The following TBC1D1 variants were observed in gnomAD, a reference collection of about 807,000 sequenced individuals.
TBC1D1 encodes TBC1 (tre-2/USP6, BUB2, cdc16) domain family, member 1.
TBC1D1 carries 89 observed loss-of-function variants against 125.6 expected under a neutral mutation model. The ratio of observed to expected loss-of-function variants is 0.71; its 90% CI spans 0.60 to 0.85. TBC1D1 has a LOEUF of 0.85. Among genes scored for constraint, TBC1D1 ranks in the 40% least tolerant of loss-of-function variants. TBC1D1 has a pLI of 0.00. For missense variants in TBC1D1, 1,377 were observed against 1,469.2 expected, an observed-to-expected ratio of 0.94 and a Z score of 1.03; for synonymous variants, 565 against 564.1, an observed-to-expected ratio of 1.00 and a Z score of -0.02.
At chr4:38,047,611 T>C (rs1243416540) in intron 10 of TBC1D1, among the ~76,000 whole-genome samples, 1 of 151,980 alleles carries the variant, frequency 6.6e-6, no homozygotes, top group Non-Finnish European at 1.5e-5. Flanking sequence ...GGAAGTTACC[T>C]AGGAGGAGAG....
chr4:37,970,138 AT>A (rs1415268833), intron 2 of TBC1D1, among the ~76,000 whole-genome samples: 2 of 152,098 alleles, frequency 1.3e-5, no homozygotes, highest in Non-Finnish European at 2.9e-5. Context: ...TATCTTGTTG[AT>A]CCATTCATCA....
intron 19 of TBC1D1, among the ~76,000 whole-genome samples, chr4:38,134,361 G>C (rs1766115482): frequency 6.6e-6 from 1 of 151,972 alleles, no homozygotes; most frequent in South Asian, 2.1e-4. Flanking sequence ...TGCTATTCCT[G>C]CCCAGCCCTA....
intron 2 of TBC1D1, among the ~76,000 whole-genome samples, chr4:37,982,812 C>A (rs1334556450): frequency 1.3e-5 from 2 of 152,236 alleles, no homozygotes; most frequent in Non-Finnish European, 2.9e-5. Flanking sequence ...TCAAAACTCT[C>A]CTCATCCTTC....
chr4:37,935,873 G>A (rs1724289788), intron 2 of TBC1D1, among the ~76,000 whole-genome samples: 1 of 152,130 alleles, frequency 6.6e-6, no homozygotes, highest in African/African-American at 2.4e-5. Context: ...AATGTGCCAT[G>A]TTCTGTCTTA....
chr4:37,984,147 G>T (rs1734956804), intron 2 of TBC1D1, among the ~76,000 whole-genome samples: 1 of 152,006 alleles, frequency 6.6e-6, no homozygotes, highest in Non-Finnish European at 1.5e-5. Flanking sequence ...ATGTACCACA[G>T]TTTATCCATT....
chr4:38,049,523 T>C (rs1324590006), intron 10 of TBC1D1, 95 bp from the exon 11 acceptor site: 3 of 1,411,928 alleles, frequency 2.1e-6, no homozygotes, highest in African/African-American at 1.4e-5. Flanking sequence ...AACACATACT[T>C]AGATACTGCA....
intron 2 of TBC1D1, among the ~76,000 whole-genome samples, chr4:37,924,973 T>C (rs999019234): frequency 1.3e-5 from 2 of 152,220 alleles, no homozygotes; most frequent in African/African-American, 4.8e-5. Flanking sequence ...CAACTCTATG[T>C]GGTATTATTA....
At chr4:38,087,064 C>A (rs2152534130) in intron 12 of TBC1D1, among the ~76,000 whole-genome samples, 1 of 152,266 alleles carries the variant, frequency 6.6e-6, no homozygotes, top group Middle Eastern at 3.4e-3. Context: ...ATCACCTGTC[C>A]TATGAGATTG....
At position 37,901,691 on chromosome 4, in the gene TBC1D1, G is replaced by A. The variant is rs182524277; in HGVS notation, c.-93-312G>A. On this transcript the variant is annotated intron_variant, in intron 1 of 19. Transcript: ENST00000261439. Reference sequence around the variant, plus strand: ...TCCCAGATCAGTTGTTTAAAACTGAGGTTTAATGCTGTCAGAGTAGCACTG... The same window carrying A: ...TCCCAGATCAGTTGTTTAAAACTGAAGTTTAATGCTGTCAGAGTAGCACTG... Among the ~76,000 whole-genome samples, 211 of 47,336 alleles carry A rather than the reference G, an allele frequency of 4.5e-3. 2 individuals are homozygous for A. Among genetic ancestry groups the A allele is most frequent in the African/African-American group, 0.015 (201 of 13,650 alleles). 31.1% of individuals were successfully genotyped at this position (47,336 alleles called of 152,430 possible).
In TBC1D1 at chr4:38,103,226, T is replaced by C. The variant is rs1361811327; in HGVS notation, c.2557+69T>C. 4.0e-6 allele frequency: 6 copies of C among 1,516,282 alleles called. No homozygotes were observed. The African/African-American group carries it at 7.0e-5, about 18-fold the overall frequency. The allele number at this position is 1,516,282 out of a possible 1,614,324, so 93.9% of individuals were successfully genotyped here. A position where few individuals can be genotyped will look rare whatever the true frequency, so the allele number is the denominator to read the frequency against. ...TCACATGAAAAATCTGAAGAGACTG[T>C]CCAAGTTATGTATTGACCTGCCTTT... On this transcript the variant is annotated intron_variant, in intron 15 of 19. Coordinates refer to ENST00000261439, the MANE Select transcript of TBC1D1 (RefSeq NM_015173.4).
intron 12 of TBC1D1, among the ~76,000 whole-genome samples, chr4:38,070,202 T>A (rs1455875094): frequency 2.0e-5 from 3 of 152,260 alleles, no homozygotes; most frequent in Non-Finnish European, 4.4e-5. Flanking sequence ...GTGAGTGGCA[T>A]GAATTTCTTA....
At chr4:38,002,515 A>G (rs1309631419) in intron 2 of TBC1D1, among the ~76,000 whole-genome samples, 1 of 152,250 alleles carries the variant, frequency 6.6e-6, no homozygotes, top group African/African-American at 2.4e-5. Context: ...TATTTGAAAT[A>G]TGTCTTTCTC....
At chr4:37,998,391 C>T (rs1362064800) in intron 2 of TBC1D1, among the ~76,000 whole-genome samples, 1 of 152,196 alleles carries the variant, frequency 6.6e-6, no homozygotes. Context: ...CCTGGTGATC[C>T]GTTGGAAATG....
intron 6 of TBC1D1, among the ~76,000 whole-genome samples, chr4:38,024,021 C>A (rs961216492): frequency 6.6e-6 from 1 of 152,002 alleles, no homozygotes; most frequent in African/African-American, 2.4e-5. Flanking sequence ...TGAAAGCCAT[C>A]GAGATAGATG....
intron 15 of TBC1D1, chr4:38,111,924 G>A (rs1374242580): frequency 2.0e-6 from 2 of 985,380 alleles, no homozygotes; most frequent in Non-Finnish European, 2.4e-6. Context: ...CAGCCTGGTA[G>A]TGAACCCAGA....
intron 2 of TBC1D1, among the ~76,000 whole-genome samples, chr4:37,998,263 T>C (rs1278406033): frequency 6.6e-6 from 1 of 152,188 alleles, no homozygotes; most frequent in Admixed American, 6.5e-5. Context: ...GACCCCTGTC[T>C]CCAGCGACTG....
chr4:38,007,482 A>T (rs1740562827), intron 2 of TBC1D1, among the ~76,000 whole-genome samples: 1 of 151,850 alleles, frequency 6.6e-6, no homozygotes, highest in Non-Finnish European at 1.5e-5. Flanking sequence ...CGAACTTCTG[A>T]CCTCAAATGA....
intron 2 of TBC1D1, among the ~76,000 whole-genome samples, chr4:37,991,229 AG>A (rs1451129113): frequency 6.6e-6 from 1 of 151,748 alleles, no homozygotes; most frequent in African/African-American, 2.4e-5. Context: ...AGGGATAAGT[AG>A]AACTGACTAT....
At chr4:38,019,778 A>T (rs1055806610) in intron 4 of TBC1D1, among the ~76,000 whole-genome samples, 1 of 152,202 alleles carries the variant, frequency 6.6e-6, no homozygotes, top group African/African-American at 2.4e-5. Flanking sequence ...ACCATGGTAG[A>T]GCCTTGGCCT....
Sources: gnomAD v4.1 joint callset for allele counts (sites outside exome capture counted in the v4.1 genomes callset) on GRCh38, gnomAD v4.1.1 for gene constraint, MANE v1.5 for transcripts, NCBI Gene and HGNC (gene_info 2026-07-23, HGNC 2026-07-21) for gene names.